The following FOXP1 variants were observed in gnomAD, a reference collection of about 807,000 sequenced individuals.
FOXP1 encodes forkhead box protein P1.
FOXP1 carries 15 observed loss-of-function variants against 98.2 expected under a neutral mutation model. The ratio of observed to expected loss-of-function variants is 0.15; its 90% CI spans 0.10 to 0.24. FOXP1 has a LOEUF of 0.24. FOXP1 is among the 10% of genes least tolerant of loss of function. The pLI is 1.00. For synonymous variants in FOXP1, 371 were observed against 314.5 expected (o/e 1.18, Z -1.90); for missense variants, 633 against 848.5 (o/e 0.75, Z 3.15).
intron 2 of FOXP1, among the ~76,000 whole-genome samples, chr3:71,577,220 C>T (rs918664896): frequency 2.0e-5 from 3 of 152,210 alleles, no homozygotes; most frequent in African/African-American, 4.8e-5. Context: ...TCTTTCCTGA[C>T]TGCCATGCAC....
intron 10 of FOXP1, among the ~76,000 whole-genome samples, chr3:71,043,557 T>C (rs544112887): frequency 3.3e-5 from 5 of 152,270 alleles, no homozygotes; most frequent in South Asian, 2.1e-4. Context: ...ATGGAAACAA[T>C]AGTTAATAGG....
At chr3:71,354,345 G>A (rs2078016063) in intron 4 of FOXP1, among the ~76,000 whole-genome samples, 1 of 152,030 alleles carries the variant, frequency 6.6e-6, no homozygotes, top group South Asian at 2.1e-4. Context: ...TGCAAGGCAG[G>A]AGATCAAACC....
chr3:71,481,687 T>C (rs1057311552), intron 3 of FOXP1, among the ~76,000 whole-genome samples: 1 of 152,178 alleles, frequency 6.6e-6, no homozygotes, highest in Non-Finnish European at 1.5e-5. Flanking sequence ...ACTTTTTCTC[T>C]TTCATATTCA....
intron 4 of FOXP1, chr3:71,334,753 AG>A (rs1255742167): frequency 7.9e-5 from 12 of 152,338 alleles, no homozygotes; most frequent in African/African-American, 2.4e-4. Context: ...TCAAGAATTC[AG>A]GGAATACAGT....
rs978957574 is a variant in FOXP1 at position 71,359,201 on chromosome 3, G to C, written c.-124C>G. Reference sequence around the variant, plus strand: ...CATAAAAAGCCTGGGGTCACTGGGAGGGGGCATGCATAATGCCACAGGACT... The same window carrying C: ...CATAAAAAGCCTGGGGTCACTGGGACGGGGCATGCATAATGCCACAGGACT... On this transcript the variant is annotated 5_prime_UTR_variant, in exon 4 of 21. Coordinates refer to ENST00000649528, the MANE Select transcript of FOXP1 (RefSeq NM_001349338.3). 6.6e-6 allele frequency: 1 copy of C among 152,162 alleles called. No individual in the cohort carries two copies. Among genetic ancestry groups the C allele is most frequent in the Non-Finnish European group, 1.5e-5 (1 of 68,048 alleles). The allele number at this position is 152,162 out of a possible 1,614,324, so 9.4% of individuals were successfully genotyped here.
chr3:71,240,767 G>C lies in FOXP1; in HGVS notation c.-11-42375C>G, dbSNP rs532864457. Reference sequence around the variant, plus strand: ...TCACCATGTTAGCCAGGATGGTCTCGATCTCCTGACCTCATGATCTGCCCG... The same window carrying C: ...TCACCATGTTAGCCAGGATGGTCTCCATCTCCTGACCTCATGATCTGCCCG... On this transcript the variant is annotated intron_variant, in intron 5 of 20. Coordinates refer to ENST00000649528, the MANE Select transcript of FOXP1 (RefSeq NM_001349338.3). Among the ~76,000 whole-genome samples, 5 of 151,266 alleles carry C rather than the reference G, an allele frequency of 3.3e-5. No individual in the cohort carries two copies. The South Asian group carries it at 8.4e-4, about 25-fold the overall frequency.
chr3:70,960,920 C>G (rs35397914), intron 20 of FOXP1, among the ~76,000 whole-genome samples: 44,506 of 149,148 alleles, frequency 0.3, 7,013 homozygotes, highest in Middle Eastern at 0.37. Context: ...TGGCTCACTG[C>G]AAGCTCCGCC....
At chr3:71,415,184 G>A (rs13063872) in intron 3 of FOXP1, among the ~76,000 whole-genome samples, 6,307 of 152,188 alleles carry the variant, frequency 0.041, 173 homozygotes, top group Non-Finnish European at 0.056. Context: ...AAATTCATTC[G>A]ACACGTGTCT....
intron 3 of FOXP1, among the ~76,000 whole-genome samples, chr3:71,479,367 G>C (rs900191360): frequency 6.6e-6 from 1 of 152,134 alleles, no homozygotes; most frequent in Non-Finnish European, 1.5e-5. Flanking sequence ...ATGGAGATAG[G>C]TTTGTCAAAA....
chr3:71,529,375 A>G (rs1195765202), intron 2 of FOXP1, among the ~76,000 whole-genome samples: 2 of 152,218 alleles, frequency 1.3e-5, no homozygotes, highest in East Asian at 1.9e-4. Context: ...TTATGACATA[A>G]TAAGAAATAA....
At chr3:71,081,792 G>A (rs1200185321) in intron 7 of FOXP1, among the ~76,000 whole-genome samples, 2 of 151,110 alleles carry the variant, frequency 1.3e-5, no homozygotes, top group Admixed American at 6.5e-5. Context: ...TGTCTACTAT[G>A]TAGCTAGATT....
chr3:71,270,457 G>A (rs2070232503), intron 5 of FOXP1, among the ~76,000 whole-genome samples: 1 of 152,186 alleles, frequency 6.6e-6, no homozygotes, highest in Non-Finnish European at 1.5e-5. Flanking sequence ...AATGGAGGAG[G>A]AGAGTAATTA....
intron 12 of FOXP1, among the ~76,000 whole-genome samples, chr3:71,005,273 T>C (rs749939554): frequency 3.9e-5 from 3 of 77,642 alleles, no homozygotes; most frequent in African/African-American, 1.5e-4. Context: ...TCTCTGTGAA[T>C]AGAAACTGAA....
In FOXP1 at chr3:71,312,369, CTAAGTA is replaced by C. The variant is rs138180547; in HGVS notation, c.-72-12495_-72-12490del. On this transcript the variant is annotated intron_variant, in intron 4 of 20. Transcript: ENST00000649528. ...TGGAGGTATAGATAATTTTTTTAAG[CTAAGTA>C]TAAGTTTCTGAAAAGAGTACTGTGT... 3.9e-3 allele frequency among the ~76,000 whole-genome samples: 594 copies of C among 152,202 alleles called. 4 individuals are homozygous for C. The highest frequency in any genetic ancestry group is 0.013 in the African/African-American group (553 of 41,518).
intron 3 of FOXP1, among the ~76,000 whole-genome samples, chr3:71,452,330 A>T (rs1309685029): frequency 6.6e-6 from 1 of 152,124 alleles, no homozygotes; most frequent in Non-Finnish European, 1.5e-5. Context: ...CCATGCCAAG[A>T]GGGGGAAATG....
chr3:71,078,806 A>C (rs1455001940), intron 7 of FOXP1, among the ~76,000 whole-genome samples: 1 of 152,104 alleles, frequency 6.6e-6, no homozygotes, highest in East Asian at 1.9e-4. Context: ...GGAAGACTGC[A>C]GCCCAGACTT....
intron 2 of FOXP1, among the ~76,000 whole-genome samples, chr3:71,495,362 C>T (rs2091332580): frequency 6.6e-6 from 1 of 152,216 alleles, no homozygotes; most frequent in African/African-American, 2.4e-5. Flanking sequence ...TCTATTTGCT[C>T]ATTTGTCTTC....
intron 3 of FOXP1, among the ~76,000 whole-genome samples, chr3:71,476,794 G>T (rs1231380124): frequency 6.6e-6 from 1 of 151,888 alleles, no homozygotes; most frequent in Non-Finnish European, 1.5e-5. Context: ...GTGAGCCACT[G>T]CGCCGGGCCG....
chr3:71,091,946 G>C (rs1304485025), intron 7 of FOXP1, among the ~76,000 whole-genome samples: 1 of 152,130 alleles, frequency 6.6e-6, no homozygotes, highest in Non-Finnish European at 1.5e-5. Context: ...CCAGCACTTT[G>C]GGAGGCCGAG....
Sources: allele counts gnomAD v4.1 joint callset (sites outside exome capture counted in the v4.1 genomes callset), GRCh38; gene constraint gnomAD v4.1.1; transcripts MANE v1.5; gene names NCBI Gene and HGNC (gene_info 2026-07-23, HGNC 2026-07-21).